HSPA12A: variants seen among roughly 807,000 people sequenced by gnomAD.
The protein encoded by HSPA12A is heat shock 70 kDa protein 12A.
A neutral mutation model predicts 69.2 loss-of-function variants in HSPA12A; 28 were observed. The ratio of observed to expected loss-of-function variants is 0.40; its 90% CI spans 0.30 to 0.55. The LOEUF (loss-of-function observed/expected upper bound fraction) is 0.55. HSPA12A is among the 20% of genes least tolerant of loss of function. The pLI, the probability that HSPA12A is intolerant of heterozygous loss-of-function variation, is 0.38. For missense variants in HSPA12A, 686 were observed against 900.7 expected, an observed-to-expected ratio of 0.76 and a Z score of 3.05; for synonymous variants, 345 against 370.5, an observed-to-expected ratio of 0.93 and a Z score of 0.79.
chr10:116,707,006 G>A (rs1214747892), intron 2 of HSPA12A, among the ~76,000 whole-genome samples, 194 bp downstream of exon 2: 8 of 152,190 alleles, frequency 5.3e-5, no homozygotes, highest in Non-Finnish European at 1.0e-4. Context: ...GGGGGAAGGG[G>A]CTTGGCAGGG....
At chr10:116,846,287 T>C (rs1845878439) in intron 1 of HSPA12A, among the ~76,000 whole-genome samples, 1 of 152,128 alleles carries the variant, frequency 6.6e-6, no homozygotes, top group Admixed American at 6.5e-5. Context: ...CTATTATAAC[T>C]GTAACATTCT....
In HSPA12A at chr10:116,820,276, G is replaced by A. The variant is rs181152156; in HGVS notation, c.91+14659C>T. The stretch of plus-strand genomic sequence containing the variant: ...CTTGAACAGCAACATACTTGTTGAC[G>A]TGAGAGTATCAAAGGGAAAGAGATT... On this transcript the variant is annotated intron_variant, in intron 2 of 12. Transcript: ENST00000635765. Among the ~76,000 whole-genome samples, 447 of 152,174 alleles carry A rather than the reference G, an allele frequency of 2.9e-3. 6 individuals carry two copies. Among genetic ancestry groups the A allele is most frequent in the African/African-American group, 0.01 (416 of 41,544 alleles).
chr10:116,737,372 C>T (rs1851347594), intron 1 of HSPA12A, among the ~76,000 whole-genome samples: 1 of 152,176 alleles, frequency 6.6e-6, no homozygotes, highest in South Asian at 2.1e-4. Context: ...TATTAATCGT[C>T]CTTGTCTACA....
At chr10:116,786,636 ATTAT>A (rs890228584) in intron 2 of HSPA12A, among the ~76,000 whole-genome samples, 6 of 151,752 alleles carry the variant, frequency 4.0e-5, no homozygotes, top group Non-Finnish European at 5.9e-5. Context: ...CTCCTGGGGA[ATTAT>A]TTATTTATTT....
At chr10:116,833,956 C>T (rs1185845104) in intron 2 of HSPA12A, among the ~76,000 whole-genome samples, 1 of 152,194 alleles carries the variant, frequency 6.6e-6, no homozygotes, top group Non-Finnish European at 1.5e-5. Flanking sequence ...CTGGGGATTG[C>T]TAATGGCCTC....
chr10:116,758,550 TA>T (rs1554889006), intron 2 of HSPA12A, among the ~76,000 whole-genome samples: 1 of 152,158 alleles, frequency 6.6e-6, no homozygotes, highest in East Asian at 1.9e-4. Flanking sequence ...AGTCATGGGT[TA>T]CAGGAATATG....
intron 1 of HSPA12A, among the ~76,000 whole-genome samples, chr10:116,838,681 A>G (rs758295844): frequency 1.3e-5 from 2 of 151,812 alleles, no homozygotes; most frequent in Non-Finnish European, 2.9e-5. Flanking sequence ...GTACAATTAA[A>G]CCTTTAGCTA....
At position 116,730,316 on chromosome 10, in the gene HSPA12A, T is replaced by G. The variant is rs148875774; in HGVS notation, c.40+12114A>C. 6.7e-3 allele frequency among the ~76,000 whole-genome samples: 1,021 copies of G among 152,310 alleles called. 19 individuals are homozygous for G. Among genetic ancestry groups the G allele is most frequent in the African/African-American group, 0.024 (983 of 41,574 alleles). On this transcript the variant is annotated intron_variant, in intron 1 of 11. Coordinates refer to ENST00000369209, the MANE Select transcript of HSPA12A (RefSeq NM_025015.3). Reference sequence around the variant, plus strand: ...AGTGCTGTGACCCATACTTTTGAGATAAGGTCACGGGGATCTAGAGAGGTT... The same window carrying G: ...AGTGCTGTGACCCATACTTTTGAGAGAAGGTCACGGGGATCTAGAGAGGTT...
chr10:116,749,990 T>G (rs376933826), intron 2 of HSPA12A: 157 of 210,852 alleles, frequency 7.4e-4, no homozygotes, highest in African/African-American at 2.6e-3. Flanking sequence ...AATGGATTAC[T>G]GTGCTTGGAA....
intron 2 of HSPA12A, among the ~76,000 whole-genome samples, chr10:116,757,693 T>C (rs1239695829): frequency 6.6e-6 from 1 of 152,178 alleles, no homozygotes; most frequent in Non-Finnish European, 1.5e-5. Flanking sequence ...GGTACCTTGG[T>C]TTGGTCACCT....
At chr10:116,742,647 G>C, upstream of HSPA12A, 3 of 988,716 alleles carry the variant, frequency 3.0e-6, no homozygotes, top group Non-Finnish European at 3.6e-6. Context: ...GCCCCGGCCC[G>C]CCCGGCGCCC....
intron 9 of HSPA12A, 80 bp downstream of exon 9, chr10:116,681,070 CTG>C (rs1849386657): frequency 1.4e-5 from 13 of 920,572 alleles, no homozygotes; most frequent in Admixed American, 1.8e-5. Flanking sequence ...GAGAATAAAA[CTG>C]AGAGTTATCT....
chr10:116,822,087 T>G (rs1175016279), intron 2 of HSPA12A, among the ~76,000 whole-genome samples: 1 of 152,250 alleles, frequency 6.6e-6, no homozygotes, highest in Non-Finnish European at 1.5e-5. Context: ...TTTCACTTTG[T>G]GTAAAGTAAG....
At chr10:116,717,022 T>C (rs1010606038) in intron 1 of HSPA12A, among the ~76,000 whole-genome samples, 14 of 152,186 alleles carry the variant, frequency 9.2e-5, no homozygotes, top group South Asian at 2.1e-4. Context: ...CAGCACTCTA[T>C]TGGGAAACCT....
intron 2 of HSPA12A, among the ~76,000 whole-genome samples, chr10:116,795,644 C>T (rs1235937482): frequency 6.9e-6 from 1 of 145,370 alleles, no homozygotes; most frequent in East Asian, 2.0e-4. Flanking sequence ...CGAGATCGTG[C>T]CACTGCACTC....
At chr10:116,778,792 G>C (rs1844397657) in intron 2 of HSPA12A, among the ~76,000 whole-genome samples, 1 of 152,166 alleles carries the variant, frequency 6.6e-6, no homozygotes, top group African/African-American at 2.4e-5. Context: ...TAAATTAGCT[G>C]GGCATGGTAG....
At chr10:116,793,599 A>C (rs1001553516) in intron 2 of HSPA12A, among the ~76,000 whole-genome samples, 53 of 152,136 alleles carry the variant, frequency 3.5e-4, no homozygotes, top group Non-Finnish European at 4.7e-4. Context: ...AACAAAAAAA[A>C]CCCACAGAAT....
At chr10:116,745,187 C>G (rs1158233733), upstream of HSPA12A, among the ~76,000 whole-genome samples, 2 of 152,262 alleles carry the variant, frequency 1.3e-5, no homozygotes, top group Non-Finnish European at 2.9e-5. Flanking sequence ...GTTGCCAGTT[C>G]TGCATCTCTG....
At chr10:116,809,886 G>A (rs1213384445) in intron 2 of HSPA12A, among the ~76,000 whole-genome samples, 1 of 152,224 alleles carries the variant, frequency 6.6e-6, no homozygotes, top group African/African-American at 2.4e-5. Flanking sequence ...CTTTCGGAGA[G>A]AAAGAGGGCA....
Sources: gnomAD v4.1 joint callset for allele counts (sites outside exome capture counted in the v4.1 genomes callset) on GRCh38, gnomAD v4.1.1 for gene constraint, MANE v1.5 for transcripts, NCBI Gene and HGNC (gene_info 2026-07-23, HGNC 2026-07-21) for gene names.